SORCS2: variants seen among roughly 807,000 people sequenced by gnomAD.
SORCS2 encodes VPS10 domain-containing receptor SorCS2.
In SORCS2, 100 loss-of-function variants were observed where a neutral mutation model predicts 141.6. That is an observed-to-expected ratio of 0.71 (90% CI 0.60 to 0.83). The LOEUF (loss-of-function observed/expected upper bound fraction) is 0.83, where lower values mean the gene tolerates loss of function less well. Among genes scored for constraint, SORCS2 ranks in the 40% least tolerant of loss-of-function variants. SORCS2 has a pLI of 0.00. For synonymous variants in SORCS2, 789 were observed against 676.9 expected, an observed-to-expected ratio of 1.17 and a Z score of -2.57; for missense variants, 1,646 against 1,560.2, an observed-to-expected ratio of 1.05 and a Z score of -0.93.
At chr4:7,701,442 G>T (rs1014791847) in intron 12 of SORCS2, among the ~76,000 whole-genome samples, 11 of 152,336 alleles carry the variant, frequency 7.2e-5, no homozygotes, top group Middle Eastern at 3.4e-3. Context: ...AAACGCCTGG[G>T]GAAGGGCTTT....
At chr4:7,263,967 C>G (rs1264038970) in intron 1 of SORCS2, among the ~76,000 whole-genome samples, 1 of 152,194 alleles carries the variant, frequency 6.6e-6, no homozygotes, top group African/African-American at 2.4e-5. Flanking sequence ...CACTCACTGA[C>G]TCATTCATTC....
intron 6 of SORCS2, among the ~76,000 whole-genome samples, chr4:7,662,101 C>T (rs1032524259): frequency 3.9e-5 from 6 of 152,156 alleles, no homozygotes; most frequent in African/African-American, 1.4e-4. Flanking sequence ...GCCAGTCACC[C>T]CAGTCTCCTG....
intron 1 of SORCS2, among the ~76,000 whole-genome samples, chr4:7,203,284 C>T (rs1227413505): frequency 2.0e-5 from 3 of 152,200 alleles, no homozygotes; most frequent in Non-Finnish European, 4.4e-5. Flanking sequence ...ATTAGCCGGG[C>T]GTGATGGCAC....
chr4:7,483,873 C>G (rs1296275573), intron 2 of SORCS2, among the ~76,000 whole-genome samples: 1 of 152,066 alleles, frequency 6.6e-6, no homozygotes, highest in Admixed American at 6.5e-5. Context: ...ATGTAACAAA[C>G]CTGCACGTTC....
chr4:7,654,390 G>T (rs1281123850), intron 5 of SORCS2, among the ~76,000 whole-genome samples, 183 bp downstream of exon 5: 4 of 152,140 alleles, frequency 2.6e-5, no homozygotes, highest in Non-Finnish European at 4.4e-5. Context: ...CATCCCAGGG[G>T]AACCCGCAGT....
chr4:7,382,164 C>A (rs534391143), intron 1 of SORCS2, among the ~76,000 whole-genome samples: 1 of 152,126 alleles, frequency 6.6e-6, no homozygotes, highest in Non-Finnish European at 1.5e-5. Context: ...GGTGAGCCAG[C>A]CCTCAGAGCA....
chr4:7,416,638 AC>A (rs750398412), intron 2 of SORCS2, among the ~76,000 whole-genome samples: 2 of 151,894 alleles, frequency 1.3e-5, no homozygotes, highest in African/African-American at 2.4e-5. Flanking sequence ...ACATTCACAC[AC>A]AAGCACACAC....
chr4:7,411,245 C>T (rs1277539566), intron 2 of SORCS2, among the ~76,000 whole-genome samples: 4 of 152,020 alleles, frequency 2.6e-5, no homozygotes, highest in Non-Finnish European at 4.4e-5. Context: ...TGAGCCACTG[C>T]GCCTGGCCTC....
Position 7,648,404 on chromosome 4 carries a change from C to T in SORCS2, c.814-5730C>T, listed in dbSNP as rs1026423732. Among the ~76,000 whole-genome samples the T allele has an allele frequency of 6.6e-6, 1 of 152,102 alleles. No homozygotes were observed. The highest frequency in any genetic ancestry group is 6.5e-5 in the Admixed American group (1 of 15,280). On this transcript the variant is annotated intron_variant, in intron 4 of 26. Coordinates refer to ENST00000507866, the MANE Select transcript of SORCS2 (RefSeq NM_020777.3). This position sits in a 1 kb window ranked among gnomAD's most constrained non-coding sequence, Gnocchi z 4.2. ...AGGATCCTGGAAGGGGGATGTGTGGCATGAGCCTCAGAGTAGGCCTGATGT... is the reference window on the plus strand; with the variant it reads ...AGGATCCTGGAAGGGGGATGTGTGGTATGAGCCTCAGAGTAGGCCTGATGT...
chr4:7,539,168 G>T (rs1033787255), intron 3 of SORCS2, among the ~76,000 whole-genome samples: 2 of 152,172 alleles, frequency 1.3e-5, no homozygotes, highest in African/African-American at 4.8e-5. Context: ...CCTTCCAGCA[G>T]CTCTGTACAG....
At chr4:7,498,033 A>G (rs1731737319) in intron 2 of SORCS2, among the ~76,000 whole-genome samples, 1 of 152,246 alleles carries the variant, frequency 6.6e-6, no homozygotes, top group Non-Finnish European at 1.5e-5. Context: ...CATCTCCTCC[A>G]GTTTGACCAG....
intron 2 of SORCS2, among the ~76,000 whole-genome samples, chr4:7,476,787 A>G (rs1036767609): frequency 6.6e-6 from 1 of 151,958 alleles, no homozygotes; most frequent in African/African-American, 2.4e-5. Flanking sequence ...CTCTGCTTCC[A>G]TTTTCTCCAC....
intron 3 of SORCS2, among the ~76,000 whole-genome samples, chr4:7,568,167 C>T (rs553312862): frequency 6.6e-6 from 1 of 152,304 alleles, no homozygotes; most frequent in South Asian, 2.1e-4. Flanking sequence ...CCCACTACAC[C>T]AGAGGTTCCA....
intron 3 of SORCS2, among the ~76,000 whole-genome samples, chr4:7,620,127 AC>A (rs1447623266): frequency 1.7e-4 from 25 of 151,000 alleles, no homozygotes; most frequent in African/African-American, 5.9e-4. Flanking sequence ...TCTCCTGAGC[AC>A]CCCCAGCACC....
chr4:7,359,660 T>A lies in SORCS2; in HGVS notation c.481-36628T>A, dbSNP rs986291215. ...CATTCTGTCTTTGACCTTTGCCTGC[T>A]GCTGTTAGAGCATCATTCAGTGAGA... On this transcript the variant is annotated intron_variant, in intron 1 of 26. Coordinates refer to ENST00000507866, the MANE Select transcript of SORCS2 (RefSeq NM_020777.3). Among the ~76,000 whole-genome samples the A allele has an allele frequency of 9.2e-5, 14 of 152,380 alleles. No individual in the cohort carries two copies. In the East Asian group the frequency reaches 1.3e-3, roughly 15 times the overall value.
chr4:7,294,515 T>G (rs1344370586), intron 1 of SORCS2, among the ~76,000 whole-genome samples: 2 of 147,010 alleles, frequency 1.4e-5, no homozygotes, highest in East Asian at 3.9e-4. Flanking sequence ...TCCTCCTCCA[T>G]GCCCCAGGGA....
chr4:7,444,181 C>G (rs144912834), intron 2 of SORCS2, among the ~76,000 whole-genome samples: 1 of 152,344 alleles, frequency 6.6e-6, no homozygotes, highest in East Asian at 1.9e-4. Context: ...TAAGAGCCTA[C>G]TATGTGCTGA....
chr4:7,418,530 G>A (rs778672717), intron 2 of SORCS2, among the ~76,000 whole-genome samples: 1 of 152,162 alleles, frequency 6.6e-6, no homozygotes, highest in African/African-American at 2.4e-5. Flanking sequence ...AGGACTGTGG[G>A]GGTCACAGAG....
At chr4:7,366,853 G>T (rs1378108074) in intron 1 of SORCS2, among the ~76,000 whole-genome samples, 1 of 152,210 alleles carries the variant, frequency 6.6e-6, no homozygotes, top group East Asian at 1.9e-4. Flanking sequence ...TGCATGGCAG[G>T]TTCTCAGGAA....
Sources: gnomAD v4.1 joint callset for allele counts (sites outside exome capture counted in the v4.1 genomes callset) on GRCh38, gnomAD v4.1.1 for gene constraint, Gnocchi (gnomAD v3.1) non-coding constraint, MANE v1.5 for transcripts, NCBI Gene and HGNC (gene_info 2026-07-23, HGNC 2026-07-21) for gene names.